Variants in GRK7 observed in about 807,000 individuals in gnomAD.
The protein encoded by GRK7 is rhodopsin kinase GRK7.
A neutral mutation model predicts 34.1 loss-of-function variants in GRK7; 24 were observed. The ratio of observed to expected loss-of-function variants is 0.70; its 90% CI spans 0.51 to 0.99. The LOEUF (loss-of-function observed/expected upper bound fraction) is 0.99. GRK7 is among the 50% of genes least tolerant of loss of function. The pLI is 0.00. For synonymous variants in GRK7, 256 were observed against 279.4 expected, an observed-to-expected ratio of 0.92 and a Z score of 0.84; for missense variants, 644 against 707.3, an observed-to-expected ratio of 0.91 and a Z score of 1.02.
rs113029036 is a variant in GRK7, at chr3:141,802,366, TCACACACA to T, written c.1051-5256_1051-5249del. ...GAAACTCTCTTTCTCTCTTTCTCTG[TCACACACA>T]CACACACACACACACACACACATAG... On this transcript the variant is annotated intron_variant, in intron 4 of 5. Transcript: ENST00000682958. Among the ~76,000 whole-genome samples, 636 of 145,676 alleles carry T rather than the reference TCACACACA, an allele frequency of 4.4e-3. 7 individuals carry two copies. The highest frequency in any genetic ancestry group is 0.016 in the African/African-American group (620 of 39,226).
At chr3:141,755,899 G>C in the GRK7 span, among the ~76,000 whole-genome samples, 1 of 151,382 alleles carries the variant, frequency 6.6e-6, no homozygotes, top group African/African-American at 2.4e-5. Flanking sequence ...ATTCAAAGCT[G>C]CTTTTTAAAA....
chr3:141,798,022 A>G (rs1710913388), intron 4 of GRK7, among the ~76,000 whole-genome samples: 1 of 152,132 alleles, frequency 6.6e-6, no homozygotes, highest in Admixed American at 6.5e-5. Flanking sequence ...CCAGAGCCAC[A>G]CTGGGACTCT....
the GRK7 span, among the ~76,000 whole-genome samples, chr3:141,752,078 CTT>C: frequency 1.1e-4 from 16 of 152,236 alleles, 1 homozygote; most frequent in Middle Eastern, 3.4e-3. Flanking sequence ...GTTTTTAAAT[CTT>C]TAGCTGCCAA....
chr3:141,807,460 C>T (rs930910537), intron 4 of GRK7, among the ~76,000 whole-genome samples, 185 bp from the exon 5 acceptor site: 4 of 152,140 alleles, frequency 2.6e-5, no homozygotes, highest in African/African-American at 9.7e-5. Flanking sequence ...CTGGCTGCAC[C>T]CAAAGCTGCC....
upstream of GRK7, among the ~76,000 whole-genome samples, chr3:141,762,137 A>G (rs1250225247): frequency 6.7e-6 from 1 of 150,356 alleles, no homozygotes; most frequent in East Asian, 2.0e-4. Context: ...TTCTCCATCC[A>G]GCTTTGTTCC....
the GRK7 span, among the ~76,000 whole-genome samples, chr3:141,753,981 G>A: frequency 1.3e-5 from 2 of 152,330 alleles, no homozygotes; most frequent in East Asian, 1.9e-4. Context: ...CAATACTGGG[G>A]TTCCTTGAAA....
At position 141,778,928 on chromosome 3, in the gene GRK7, T is replaced by A; in HGVS notation, c.612+32T>A. 6.4e-7 allele frequency: 1 copy of A among 1,574,696 alleles called. No individual in the cohort carries two copies. Among genetic ancestry groups the A allele is most frequent in the South Asian group, 1.2e-5 (1 of 83,296 alleles). The stretch of plus-strand genomic sequence containing the variant: ...GTCTCCCAGTAGCCAGGCTAGAAGG[T>A]GAAGCATAGAGCATGAAAGGGGGTA... On this transcript the variant is annotated intron_variant, in intron 3 of 5. Coordinates refer to ENST00000682958, the MANE Select transcript of GRK7 (RefSeq NM_139209.3). This position sits in a 1 kb window ranked among gnomAD's most constrained non-coding sequence, Gnocchi z 4.1.
chr3:141,763,433 C>G lies in GRK7; in HGVS notation c.-2520C>G, dbSNP rs2084566193. Among the ~76,000 whole-genome samples, 7 of 152,222 alleles carry G rather than the reference C, an allele frequency of 4.6e-5. No homozygotes were observed. The highest frequency in any genetic ancestry group is 4.6e-4 in the Admixed American group (7 of 15,280). ...CTTCCACCCTTAGCTCTCAAACCCA[C>G]TAACTAACCCAGCAAAGTCTGGGGG... On this transcript the variant is annotated 5_prime_UTR_variant, in exon 1 of 6. Coordinates refer to ENST00000682958, the MANE Select transcript of GRK7 (RefSeq NM_139209.3).
intron 4 of GRK7, among the ~76,000 whole-genome samples, chr3:141,790,461 A>T (rs2084718898): frequency 6.6e-6 from 1 of 152,224 alleles, no homozygotes; most frequent in Non-Finnish European, 1.5e-5. Context: ...GAAAAGGATC[A>T]GCCCCACCTA....
the GRK7 span, among the ~76,000 whole-genome samples, chr3:141,750,142 T>G: frequency 6.6e-6 from 1 of 152,260 alleles, no homozygotes; most frequent in African/African-American, 2.4e-5. Context: ...GCGGTTTTTT[T>G]GCCATTAAAA....
chr3:141,817,115 G>A lies in GRK7; in HGVS notation c.*65G>A, dbSNP rs1446509171. 13 of 1,207,538 alleles carry A rather than the reference G, an allele frequency of 1.1e-5. No homozygotes were observed. Among genetic ancestry groups the A allele is most frequent in the African/African-American group, 1.5e-5 (1 of 66,078 alleles). 74.8% of individuals were successfully genotyped at this position (1,207,538 alleles called of 1,614,324 possible). ...GACATAATCCTCGAATGTTCCACAC[G>A]TGGAAATCTGTGGAATGAGGGCTAA... is the stretch of plus-strand genomic sequence containing the variant. On this transcript the variant is annotated 3_prime_UTR_variant, in exon 6 of 6. Transcript: ENST00000682958.
At chr3:141,795,741 A>G (rs2084745926) in intron 4 of GRK7, among the ~76,000 whole-genome samples, 1 of 152,004 alleles carries the variant, frequency 6.6e-6, no homozygotes, top group South Asian at 2.1e-4. Context: ...GCAGATGGAG[A>G]CCAGCCTGGG....
chr3:141,776,083 G>A (rs2084637301), intron 2 of GRK7, among the ~76,000 whole-genome samples: 1 of 152,030 alleles, frequency 6.6e-6, no homozygotes, highest in South Asian at 2.1e-4. Context: ...AGGAGATCGA[G>A]ACCATCATGG....
intron 5 of GRK7, among the ~76,000 whole-genome samples, chr3:141,811,805 T>C (rs1711095505): frequency 6.6e-6 from 1 of 152,194 alleles, no homozygotes; most frequent in Non-Finnish European, 1.5e-5. Flanking sequence ...TCTTAAGCAT[T>C]TGAAATGAAT....
chr3:141,816,344 A>C (rs73872344), intron 5 of GRK7, among the ~76,000 whole-genome samples: 7,696 of 152,174 alleles, frequency 0.051, 358 homozygotes, highest in African/African-American at 0.12. Flanking sequence ...AGATATGCTT[A>C]ACTTGTTCTG....
At chr3:141,771,874 A>G (rs6777399) in intron 1 of GRK7, among the ~76,000 whole-genome samples, 11,249 of 151,084 alleles carry the variant, frequency 0.074, 1,402 homozygotes, top group African/African-American at 0.26. Flanking sequence ...TAGTAGACAC[A>G]GGGTTTCACC....
At chr3:141,813,783 G>T (rs1183525388) in intron 5 of GRK7, among the ~76,000 whole-genome samples, 2 of 152,256 alleles carry the variant, frequency 1.3e-5, no homozygotes, top group Middle Eastern at 3.4e-3. Flanking sequence ...ATTTTCCTTT[G>T]AAAAAGTCAC....
intron 4 of GRK7, among the ~76,000 whole-genome samples, chr3:141,794,696 A>T (rs2084740978): frequency 6.6e-6 from 1 of 152,208 alleles, no homozygotes. Flanking sequence ...TGGTCTTTGT[A>T]ATCCAGGTAA....
intron 4 of GRK7, among the ~76,000 whole-genome samples, chr3:141,790,143 A>C (rs1238417734): frequency 6.6e-6 from 1 of 152,150 alleles, no homozygotes; most frequent in Non-Finnish European, 1.5e-5. Flanking sequence ...CTGGGATTAC[A>C]AGCGCATGCT....
Sources: gnomAD v4.1 joint callset for allele counts (sites outside exome capture counted in the v4.1 genomes callset) on GRCh38, gnomAD v4.1.1 for gene constraint, Gnocchi (gnomAD v3.1) non-coding constraint, MANE v1.5 for transcripts, NCBI Gene and HGNC (gene_info 2026-07-23, HGNC 2026-07-21) for gene names.